MYO5B: variants seen among roughly 807,000 people sequenced by gnomAD.
MYO5B encodes the protein unconventional myosin-Vb.
In MYO5B, 143 loss-of-function variants were observed where a neutral mutation model predicts 229.3. That is an observed-to-expected ratio of 0.62 (90% CI 0.54 to 0.72). MYO5B has a LOEUF of 0.72. MYO5B is among the 30% of genes least tolerant of loss of function. The probability of loss-of-function intolerance (pLI) is 0.00; values close to 1 mark genes in which losing one functional copy is unlikely to be tolerated. For missense variants in MYO5B, 2,321 were observed against 2,331.0 expected (o/e 1.00, Z 0.09); for synonymous variants, 918 against 885.2 (o/e 1.04, Z -0.66).
In MYO5B at chr18:50,036,928, G is replaced by T. The variant is rs1241251730; in HGVS notation, c.377C>A (p.Thr126Asn). ...GTCTCCCATGTTTTGGCCACTGTAG[G>T]TATAGATGACATCTTGTCCATAGAT... is the stretch of plus-strand genomic sequence containing the variant. ...LPIYGQDVIY[T>N]YSGQNMGDMD... The change falls in exon 4 of 40, where the codon ACC (threonine) becomes AAC (asparagine). Residue 126 changes from threonine (T) to asparagine (N), a missense_variant. Coordinates refer to ENST00000285039, the MANE Select transcript of MYO5B (RefSeq NM_001080467.3). 1 of 1,614,094 alleles carries T rather than the reference G, an allele frequency of 6.2e-7. No homozygotes were observed. The highest frequency in any genetic ancestry group is 8.5e-7 in the Non-Finnish European group (1 of 1,180,000).
rs201651982 is a variant in MYO5B at position 49,864,346 on chromosome 18, T to A, written c.3638A>T (p.Lys1213Met). Residue 1213 changes from lysine (K) to methionine (M), a missense_variant, in exon 28 of 40, where the codon AAG becomes ATG. Physicochemically the swap from Lys to Met is moderately conservative, Grantham distance 95. Coordinates refer to ENST00000285039, the MANE Select transcript of MYO5B (RefSeq NM_001080467.3). ...TTTCCTCAGCTCATTCAGGTCATTC[T>A]TCAGCTTTTTGTTCTCTGACTCCAG... is the stretch of plus-strand genomic sequence containing the variant. ...QELESENKKLKNDLNELRKAV... is the reference protein window; with the variant it reads ...QELESENKKLMNDLNELRKAV... 1.1e-3 allele frequency: 1,828 copies of A among 1,614,002 alleles called. 11 individuals are homozygous for A. The highest frequency in any genetic ancestry group is 6.4e-4 in the Non-Finnish European group (759 of 1,180,044).
Position 49,837,577 on chromosome 18 carries a change from G to C in MYO5B, c.5078C>G (p.Thr1693Ser), listed in dbSNP as rs1450954647. 1.9e-6 allele frequency: 3 copies of C among 1,613,976 alleles called. No homozygotes were observed. The South Asian group carries it at 3.3e-5, about 18-fold the overall frequency. Residue 1693 changes from threonine (T) to serine (S), a missense_variant, in exon 37 of 40, where the codon ACT becomes AGT. By Grantham distance (58) the Thr-to-Ser change is moderately conservative. This residue lies in a region of MYO5B where 208 missense variants were observed against 286.3 expected (regional missense o/e 0.73). Transcript: ENST00000285039. ...KQLFYMINAV[T>S]LNNLLLRKDV... ...CTTCCGCAAGAGCAGGTTGTTAAGA[G>C]TCACTGCGTTGATCATGTAGAAGAG...
At chr18:49,990,611 G>A (rs1405888949) in intron 6 of MYO5B, 91 bp from the exon 7 acceptor site, 5 of 1,046,278 alleles carry the variant, frequency 4.8e-6, no homozygotes, top group Admixed American at 1.8e-5. Context: ...CCAGGTGGTG[G>A]AGGCTGAGCC....
intron 1 of MYO5B, among the ~76,000 whole-genome samples, chr18:50,180,187 T>C (rs1487714064): frequency 6.6e-6 from 1 of 152,180 alleles, no homozygotes; most frequent in Non-Finnish European, 1.5e-5. Flanking sequence ...CCTGAGGAGC[T>C]GGAGCCAGTG....
intron 4 of MYO5B, among the ~76,000 whole-genome samples, chr18:50,009,084 A>G (rs1479230935): frequency 6.6e-6 from 1 of 152,246 alleles, no homozygotes. Flanking sequence ...TAAAATGATA[A>G]TAGTATATAT....
At chr18:50,161,279 G>A (rs997587337) in intron 1 of MYO5B, among the ~76,000 whole-genome samples, 2 of 152,144 alleles carry the variant, frequency 1.3e-5, no homozygotes, top group African/African-American at 4.8e-5. Flanking sequence ...AGCTACTCAG[G>A]AGGCTGAGGC....
At chr18:50,023,466 C>A (rs1304841058) in intron 4 of MYO5B, among the ~76,000 whole-genome samples, 2 of 152,296 alleles carry the variant, frequency 1.3e-5, no homozygotes, top group Admixed American at 1.3e-4. Context: ...TCTATTAATG[C>A]GGCTCCAGAG....
chr18:50,149,688 G>A (rs1443194498), intron 1 of MYO5B, among the ~76,000 whole-genome samples: 1 of 151,722 alleles, frequency 6.6e-6, no homozygotes, highest in South Asian at 2.1e-4. Flanking sequence ...ATCAATTCAA[G>A]ATGGATTAAA....
intron 1 of MYO5B, among the ~76,000 whole-genome samples, chr18:50,144,050 G>A (rs768855734): frequency 6.6e-6 from 1 of 152,182 alleles, no homozygotes; most frequent in Non-Finnish European, 1.5e-5. Flanking sequence ...CAGGTGTTGT[G>A]AAAATGTCTT....
At chr18:49,918,608 G>A (rs2025041995) in intron 17 of MYO5B, among the ~76,000 whole-genome samples, 1 of 152,152 alleles carries the variant, frequency 6.6e-6, no homozygotes, top group Non-Finnish European at 1.5e-5. Context: ...TAGTTAAAGA[G>A]CCTTACAGGA....
chr18:50,134,284 G>A (rs563688671), intron 1 of MYO5B, among the ~76,000 whole-genome samples: 26 of 152,182 alleles, frequency 1.7e-4, no homozygotes, highest in African/African-American at 5.1e-4. Flanking sequence ...GGCAGGGCTC[G>A]GTGGCTCACG....
chr18:49,895,893 T>C (rs187115064), intron 21 of MYO5B, among the ~76,000 whole-genome samples: 1 of 152,310 alleles, frequency 6.6e-6, no homozygotes, highest in East Asian at 1.9e-4. Flanking sequence ...CTGCAAATTA[T>C]GGGAAGAAAT....
intron 21 of MYO5B, among the ~76,000 whole-genome samples, chr18:49,897,997 C>T (rs550031329): frequency 2.1e-4 from 32 of 152,248 alleles, no homozygotes; most frequent in African/African-American, 7.5e-4. Context: ...TGTTTAGATA[C>T]GTTTAGATAC....
chr18:49,906,797 C>T (rs1394727348), intron 18 of MYO5B, among the ~76,000 whole-genome samples, 167 bp from the exon 19 acceptor site: 1 of 152,154 alleles, frequency 6.6e-6, no homozygotes, highest in Non-Finnish European at 1.5e-5. Context: ...CCCCAAGACC[C>T]TACTACGGGC....
At chr18:49,955,251 T>G (rs1278202182) in intron 12 of MYO5B, among the ~76,000 whole-genome samples, 2 of 152,222 alleles carry the variant, frequency 1.3e-5, no homozygotes, top group Non-Finnish European at 2.9e-5. Flanking sequence ...CCCCTTTCAA[T>G]ATCTTTATGG....
intron 1 of MYO5B, among the ~76,000 whole-genome samples, chr18:50,191,974 TG>T (rs1468317817): frequency 6.6e-6 from 1 of 152,092 alleles, no homozygotes; most frequent in African/African-American, 2.4e-5. Flanking sequence ...GAAAAGTTTA[TG>T]GGGACAATCA....
At chr18:49,999,924 G>C (rs2026027691) in intron 5 of MYO5B, among the ~76,000 whole-genome samples, 1 of 152,228 alleles carries the variant, frequency 6.6e-6, no homozygotes, top group Non-Finnish European at 1.5e-5. Flanking sequence ...CTTTTTGTCT[G>C]TTTAGTACAA....
At position 49,974,772 on chromosome 18, in the gene MYO5B, G is replaced by GTC. The variant is rs879352344; in HGVS notation, c.1057-159_1057-158dup. ...CACATGCCCTGCTGCCAGCCCAGCA[G>GTC]TCTCTCTCACACACACACACACACA... On this transcript the variant is annotated intron_variant, in intron 9 of 39. Transcript: ENST00000285039. Among the ~76,000 whole-genome samples the GTC allele has an allele frequency of 9.6e-3, 144 of 14,978 alleles. 1 individual carries two copies. Among genetic ancestry groups the GTC allele is most frequent in the Middle Eastern group, 0.17 (2 of 12 alleles). 9.8% of individuals were successfully genotyped at this position (14,978 alleles called of 152,430 possible). A position where few individuals can be genotyped will look rare whatever the true frequency, so the allele number is the denominator to read the frequency against.
At chr18:50,017,826 A>T (rs535144941) in intron 4 of MYO5B, among the ~76,000 whole-genome samples, 35 of 152,374 alleles carry the variant, frequency 2.3e-4, no homozygotes, top group Admixed American at 1.4e-3. Flanking sequence ...GATACCATGT[A>T]ATACCATTCA....
Sources: allele counts gnomAD v4.1 joint callset (sites outside exome capture counted in the v4.1 genomes callset), GRCh38; gene constraint gnomAD v4.1.1; regional missense constraint gnomAD v4.1.1; transcripts MANE v1.5; gene names NCBI Gene and HGNC (gene_info 2026-07-23, HGNC 2026-07-21).